Variants in SLC68A1 observed in about 807,000 individuals in gnomAD.
SLC68A1 encodes the protein solute carrier family 68 member 1.
At chr10:102,469,274 AT>A in the SLC68A1 span, 8 of 1,460,646 alleles carry the variant, frequency 5.5e-6, no homozygotes, top group African/African-American at 1.1e-4. Flanking sequence ...TGCTGGGCAG[AT>A]TGCAGGTGCC....
At chr10:102,461,660 G>T in the SLC68A1 span, among the ~76,000 whole-genome samples, 6 of 152,176 alleles carry the variant, frequency 3.9e-5, no homozygotes, top group Non-Finnish European at 7.3e-5. Context: ...GGGGGCAAGG[G>T]TGGAATCCTC....
chr10:102,474,512 C>T, the SLC68A1 span, among the ~76,000 whole-genome samples: 4 of 152,094 alleles, frequency 2.6e-5, no homozygotes, highest in African/African-American at 7.2e-5. Context: ...CTCAGTGAAT[C>T]GCAGGCAGAG....
chr10:102,476,023 C>T, the SLC68A1 span: 5 of 1,394,942 alleles, frequency 3.6e-6, no homozygotes, highest in Non-Finnish European at 3.7e-6. Context: ...ATGCTGCTGG[C>T]AGCCTGGGGA....
chr10:102,475,290 CCT>C, the SLC68A1 span, among the ~76,000 whole-genome samples: 1 of 119,172 alleles, frequency 8.4e-6, no homozygotes, highest in Non-Finnish European at 1.9e-5. Flanking sequence ...AGCGAGACTC[CCT>C]CTTTCCAAAA....
chr10:102,474,685 T>C, the SLC68A1 span, among the ~76,000 whole-genome samples: 1 of 152,146 alleles, frequency 6.6e-6, no homozygotes, highest in South Asian at 2.1e-4. Flanking sequence ...GGTCTCCCTG[T>C]CACCCAGGCT....
chr10:102,475,843 G>A, the SLC68A1 span: 48 of 1,614,062 alleles, frequency 3.0e-5, no homozygotes, highest in South Asian at 4.8e-4. Context: ...TCTACCTGCT[G>A]GTGCTGGTGC....
At chr10:102,470,758 G>A in the SLC68A1 span, 620 of 1,613,940 alleles carry the variant, frequency 3.8e-4, 1 homozygote, top group Middle Eastern at 8.6e-3. Context: ...CGTTCCTGGC[G>A]TTCTGGGTGC....
At chr10:102,476,493 C>A in the SLC68A1 span, 1 of 985,808 alleles carries the variant, frequency 1.0e-6, no homozygotes. Context: ...GCATGAGCCA[C>A]CGCACTCGGC....
the SLC68A1 span, chr10:102,468,454 C>G: frequency 1.3e-5 from 2 of 152,610 alleles, no homozygotes; most frequent in African/African-American, 4.8e-5. Context: ...GGGTGGATCA[C>G]AAGGTCAGGA....
At chr10:102,470,785 C>T in the SLC68A1 span, 12 of 1,613,802 alleles carry the variant, frequency 7.4e-6, no homozygotes, top group Admixed American at 1.2e-4. Flanking sequence ...CCCCAGCTGG[C>T]CTGCAGTTCT....
the SLC68A1 span, among the ~76,000 whole-genome samples, chr10:102,473,161 G>A: frequency 1.3e-5 from 2 of 152,174 alleles, no homozygotes; most frequent in East Asian, 1.9e-4. Context: ...GTGCTGCCGG[G>A]TGCAGTGGGC....
chr10:102,470,678 C>T, the SLC68A1 span: 1 of 1,608,754 alleles, frequency 6.2e-7, no homozygotes, highest in East Asian at 2.2e-5. Flanking sequence ...AGGCGCCGGG[C>T]TCTCCTCAAG....
the SLC68A1 span, chr10:102,469,238 G>A: frequency 1.2e-6 from 2 of 1,607,414 alleles, no homozygotes; most frequent in Non-Finnish European, 1.7e-6. Flanking sequence ...GGAGGGGGTG[G>A]GGTGGAGACT....
At chr10:102,469,558 T>C in the SLC68A1 span, among the ~76,000 whole-genome samples, 6 of 151,562 alleles carry the variant, frequency 4.0e-5, no homozygotes, top group African/African-American at 1.5e-4. Context: ...TTTTGTTTTT[T>C]TTTTTGAGAT....
chr10:102,472,041 T>C, the SLC68A1 span: 4 of 456,006 alleles, frequency 8.8e-6, no homozygotes, highest in Middle Eastern at 3.4e-4. Context: ...CTCACGCCTG[T>C]AATCCCAGCA....
chr10:102,464,717 G>A, the SLC68A1 span, among the ~76,000 whole-genome samples: 1 of 150,410 alleles, frequency 6.6e-6, no homozygotes, highest in East Asian at 1.9e-4. Context: ...TTGAACCTGG[G>A]AGGCAGAGGT....
the SLC68A1 span, among the ~76,000 whole-genome samples, chr10:102,474,672 T>C: frequency 6.6e-6 from 1 of 152,148 alleles, no homozygotes; most frequent in South Asian, 2.1e-4. Flanking sequence ...CTTTTTGAGA[T>C]AGGGTCTCCC....
the SLC68A1 span, among the ~76,000 whole-genome samples, chr10:102,467,154 C>T: frequency 6.6e-6 from 1 of 152,232 alleles, no homozygotes; most frequent in African/African-American, 2.4e-5. Flanking sequence ...TCTCCTGCCT[C>T]AGCTCCCCAG....
At chr10:102,469,087 G>T in the SLC68A1 span, 23 of 1,614,004 alleles carry the variant, frequency 1.4e-5, no homozygotes, top group Admixed American at 3.8e-4. Flanking sequence ...TGTGGTCTAT[G>T]GCTCCCTGGC....
Sources: allele counts gnomAD v4.1 joint callset (sites outside exome capture counted in the v4.1 genomes callset), GRCh38; gene constraint gnomAD v4.1.1; transcripts MANE v1.5; gene names NCBI Gene and HGNC (gene_info 2026-07-23, HGNC 2026-07-21).